Variants in SEMA3C observed in about 807,000 individuals in gnomAD.
The protein encoded by SEMA3C is semaphorin-3C.
Under a neutral mutation model 89.4 loss-of-function variants are expected in SEMA3C, and 47 were observed. That is an observed-to-expected ratio of 0.53 (90% confidence interval 0.42 to 0.67). SEMA3C has a LOEUF of 0.67. SEMA3C is among the 30% of genes least tolerant of loss of function. The pLI is 0.00. For synonymous variants in SEMA3C, 310 were observed against 320.2 expected, an observed-to-expected ratio of 0.97 and a Z score of 0.34; for missense variants, 839 against 929.1, an observed-to-expected ratio of 0.90 and a Z score of 1.26.
At chr7:80,903,883 C>T (rs961216575) in intron 2 of SEMA3C, among the ~76,000 whole-genome samples, 6 of 152,130 alleles carry the variant, frequency 3.9e-5, no homozygotes, top group Non-Finnish European at 5.9e-5. Flanking sequence ...GAAGCCTTCC[C>T]TATCTTCTAC....
At chr7:80,848,523 T>C (rs935054219) in intron 2 of SEMA3C, among the ~76,000 whole-genome samples, 2 of 152,204 alleles carry the variant, frequency 1.3e-5, no homozygotes, top group African/African-American at 4.8e-5. Context: ...TGGTGCCCCA[T>C]GTTCCACCCT....
At chr7:80,755,722 A>G (rs1369680209) in intron 15 of SEMA3C, among the ~76,000 whole-genome samples, 1 of 152,124 alleles carries the variant, frequency 6.6e-6, no homozygotes, top group East Asian at 1.9e-4. Flanking sequence ...ATGCTAATCT[A>G]ATATCACTAC....
chr7:80,818,404 G>C lies in SEMA3C; in HGVS notation c.342C>G (p.Asn114Lys), dbSNP rs1789663057. ...AGKDPTHGCGNFVRVIQTFNR... is the reference protein window; with the variant it reads ...AGKDPTHGCGKFVRVIQTFNR... Reference sequence around the variant, plus strand: ...TGAAAGTCTGAATTACACGGACAAAGTTCCCACAGCCGTGCTAAAAGAATC... The same window carrying C: ...TGAAAGTCTGAATTACACGGACAAACTTCCCACAGCCGTGCTAAAAGAATC... The change falls in exon 5 of 18, where the codon AAC (asparagine) becomes AAG (lysine). Residue 114 changes from asparagine to lysine, a missense_variant. Asn to Lys is a moderately conservative substitution (Grantham distance 94). Coordinates refer to ENST00000265361, the MANE Select transcript of SEMA3C (RefSeq NM_006379.5). The C allele has an allele frequency of 2.5e-6, 4 of 1,613,432 alleles. No homozygotes were observed. The highest frequency in any genetic ancestry group is 3.4e-6 in the Non-Finnish European group (4 of 1,179,518).
rs1041223042 is a variant in SEMA3C, at chr7:80,877,808, T to C, written c.103+38871A>G. 8.5e-5 allele frequency among the ~76,000 whole-genome samples: 13 copies of C among 152,190 alleles called. 1 individual carries two copies. Among genetic ancestry groups the C allele is most frequent in the Non-Finnish European group, 1.9e-4 (13 of 68,046 alleles). Reference sequence around the variant, plus strand: ...TAATTTTTTTTTCAGAGTATAACTTTTGAAATGGAAGAGATAATTTCTGAC... The same window carrying C: ...TAATTTTTTTTTCAGAGTATAACTTCTGAAATGGAAGAGATAATTTCTGAC... On this transcript the variant is annotated intron_variant, in intron 2 of 17. Transcript: ENST00000265361.
chr7:80,869,542 AG>A (rs1311556799), intron 2 of SEMA3C, among the ~76,000 whole-genome samples: 58 of 152,312 alleles, frequency 3.8e-4, no homozygotes, highest in African/African-American at 1.2e-3. Context: ...AGAGCCATTC[AG>A]GGTTAATGGG....
intron 12 of SEMA3C, among the ~76,000 whole-genome samples, chr7:80,769,844 G>A (rs1788386103): frequency 1.9e-5 from 2 of 105,614 alleles, no homozygotes; most frequent in East Asian, 3.4e-4. Context: ...GGGGGATAGA[G>A]CAAGACTCTG....
intron 6 of SEMA3C, among the ~76,000 whole-genome samples, chr7:80,808,727 C>T (rs189993116): frequency 3.4e-4 from 51 of 152,226 alleles, no homozygotes; most frequent in Non-Finnish European, 4.9e-4. Context: ...GAGGAAAAGA[C>T]GTCTACTATA....
At chr7:80,859,145 C>CA (rs1161095682) in intron 2 of SEMA3C, among the ~76,000 whole-genome samples, 9 of 150,118 alleles carry the variant, frequency 6.0e-5, no homozygotes, top group East Asian at 3.9e-4. Flanking sequence ...AAAAAAAGAA[C>CA]GGTGTGTGTG....
rs534690781 is a variant in SEMA3C at position 80,764,561 on chromosome 7, A to G, written c.1443+594T>C. 1.8e-3 allele frequency among the ~76,000 whole-genome samples: 246 copies of G among 140,408 alleles called. 1 individual carries two copies. Among genetic ancestry groups the G allele is most frequent in the African/African-American group, 7.1e-3 (238 of 33,630 alleles). 92.1% of individuals were successfully genotyped at this position (140,408 alleles called of 152,430 possible). On this transcript the variant is annotated intron_variant, in intron 13 of 17. Coordinates refer to ENST00000265361, the MANE Select transcript of SEMA3C (RefSeq NM_006379.5). ...TTACAGTACTGAACTTCCCTTGTGT[A>G]TGTTTTTTTTTCTGTCCTTTTTTTC...
At chr7:80,833,392 C>T (rs1162203862) in intron 2 of SEMA3C, among the ~76,000 whole-genome samples, 1 of 151,544 alleles carries the variant, frequency 6.6e-6, no homozygotes, top group African/African-American at 2.4e-5. Flanking sequence ...ACCTGGGAGG[C>T]GGAGGTTGCA....
chr7:80,869,199 A>G (rs2116037645), intron 2 of SEMA3C, among the ~76,000 whole-genome samples: 1 of 152,284 alleles, frequency 6.6e-6, no homozygotes, highest in East Asian at 1.9e-4. Flanking sequence ...CCACACACAC[A>G]GATTTGGCAG....
intron 2 of SEMA3C, among the ~76,000 whole-genome samples, chr7:80,839,961 G>A (rs1790224078): frequency 6.6e-6 from 1 of 152,044 alleles, no homozygotes; most frequent in Non-Finnish European, 1.5e-5. Context: ...TGACCATATT[G>A]TGGGCTTCCA....
intron 12 of SEMA3C, among the ~76,000 whole-genome samples, chr7:80,773,400 T>C (rs1788477579): frequency 2.0e-5 from 3 of 152,148 alleles, no homozygotes; most frequent in African/African-American, 7.2e-5. Flanking sequence ...ACACTTTTGG[T>C]AGAAACGTAA....
At chr7:80,754,966 T>TTG (rs1554359516) in intron 15 of SEMA3C, among the ~76,000 whole-genome samples, 9 of 139,030 alleles carry the variant, frequency 6.5e-5, no homozygotes, top group Non-Finnish European at 9.4e-5. Context: ...TGTTTTTTTT[T>TTG]TTTTTGTATT....
At chr7:80,907,514 A>G (rs1392121784) in intron 2 of SEMA3C, among the ~76,000 whole-genome samples, 3 of 152,100 alleles carry the variant, frequency 2.0e-5, no homozygotes, top group Non-Finnish European at 4.4e-5. Context: ...TGGAGCGACA[A>G]TCTGGCTGGA....
intron 15 of SEMA3C, among the ~76,000 whole-genome samples, chr7:80,756,485 C>G (rs1788069552): frequency 6.6e-6 from 1 of 152,180 alleles, no homozygotes; most frequent in Non-Finnish European, 1.5e-5. Flanking sequence ...CCAAATCCAA[C>G]CAGTTATCTT....
intron 13 of SEMA3C, among the ~76,000 whole-genome samples, chr7:80,764,301 T>G (rs1788248422): frequency 6.6e-6 from 1 of 152,278 alleles, no homozygotes; most frequent in East Asian, 1.9e-4. Context: ...TCTTAATTGG[T>G]TTAGTTGGAA....
chr7:80,782,009 G>C (rs1788702361), intron 12 of SEMA3C, among the ~76,000 whole-genome samples: 1 of 152,064 alleles, frequency 6.6e-6, no homozygotes, highest in Non-Finnish European at 1.5e-5. Context: ...AAATGCCAAA[G>C]AGTTTGATGG....
chr7:80,758,192 T>G (rs918962692), intron 15 of SEMA3C, 139 bp downstream of exon 15: 1 of 864,934 alleles, frequency 1.2e-6, no homozygotes, highest in African/African-American at 1.7e-5. Context: ...ATTCAAAGAC[T>G]ATGTGTGGTG....
Sources: allele counts gnomAD v4.1 joint callset (sites outside exome capture counted in the v4.1 genomes callset), GRCh38; gene constraint gnomAD v4.1.1; transcripts MANE v1.5; gene names NCBI Gene and HGNC (gene_info 2026-07-23, HGNC 2026-07-21).